TCTN2: variants seen among roughly 807,000 people sequenced by gnomAD.
TCTN2 encodes tectonic family member 2, also known as tectonic-2.
TCTN2 carries 66 observed loss-of-function variants against 83.4 expected under a neutral mutation model. The observed-to-expected ratio is 0.79, with a 90% CI of 0.65 to 0.97. The LOEUF is 0.97. Among genes scored for constraint, TCTN2 ranks in the 50% least tolerant of loss-of-function variants. The pLI is 0.00. For missense variants in TCTN2, 794 were observed against 858.1 expected, an observed-to-expected ratio of 0.93 and a Z score of 0.93; for synonymous variants, 301 against 326.7, an observed-to-expected ratio of 0.92 and a Z score of 0.85.
At chr12:123,686,748 C>A in intron 5 of TCTN2, 88 bp from the exon 6 acceptor site, 1 of 1,286,738 alleles carries the variant, frequency 7.8e-7, no homozygotes, top group Non-Finnish European at 1.1e-6. Flanking sequence ...TAGTGTCCTG[C>A]TGGCCTTAAA....
At chr12:123,675,736 G>A (rs1372589462) in intron 4 of TCTN2, among the ~76,000 whole-genome samples, 1 of 152,190 alleles carries the variant, frequency 6.6e-6, no homozygotes, top group East Asian at 1.9e-4. Flanking sequence ...AGCTAATAAT[G>A]TGCTACCAAG....
In TCTN2 at chr12:123,690,655, A is replaced by G. The variant is rs1956030516; in HGVS notation, c.1014A>G (p.Ile338Met). ...QERDGIINAK[I>M]KNVALGGIVT... ...GAGATGGTATTATCAATGCGAAGATAAAGAATGTTGCCTTAGGAGGTATGT... is the reference window on the plus strand; with the variant it reads ...GAGATGGTATTATCAATGCGAAGATGAAGAATGTTGCCTTAGGAGGTATGT... The change falls in exon 8 of 18, where the codon ATA (isoleucine) becomes ATG (methionine). Residue 338 changes from isoleucine to methionine, a missense_variant. Ile to Met is a conservative substitution (Grantham distance 10). Transcript: ENST00000303372. 6.2e-7 allele frequency: 1 copy of G among 1,614,232 alleles called. No individual in the cohort carries two copies. Among genetic ancestry groups the G allele is most frequent in the Non-Finnish European group, 8.5e-7 (1 of 1,180,050 alleles).
chr12:123,699,155 ATTT>A (rs11438271), intron 13 of TCTN2, among the ~76,000 whole-genome samples: 3 of 141,782 alleles, frequency 2.1e-5, no homozygotes, highest in Non-Finnish European at 4.6e-5. Context: ...AGTTACTAAC[ATTT>A]TTTTTTTTTT....
At chr12:123,672,405 C>T (rs1028004105) in intron 3 of TCTN2, among the ~76,000 whole-genome samples, 3 of 152,084 alleles carry the variant, frequency 2.0e-5, no homozygotes, top group Non-Finnish European at 4.4e-5. Flanking sequence ...GAGAGGGTCA[C>T]CAGTTTCCTT....
At chr12:123,685,781 A>G (rs1955958087) in intron 5 of TCTN2, among the ~76,000 whole-genome samples, 1 of 138,634 alleles carries the variant, frequency 7.2e-6, no homozygotes, top group Non-Finnish European at 1.5e-5. Context: ...GCTGGACTTC[A>G]GTGGCCCAAT....
intron 3 of TCTN2, among the ~76,000 whole-genome samples, chr12:123,672,805 C>T (rs1033719076): frequency 6.6e-6 from 1 of 152,080 alleles, no homozygotes; most frequent in Non-Finnish European, 1.5e-5. Context: ...AATCCTAGCA[C>T]TTTGGGAGGC....
chr12:123,692,757 A>G (rs1373969136), intron 9 of TCTN2, 34 bp downstream of exon 9: 1 of 1,497,946 alleles, frequency 6.7e-7, no homozygotes, highest in Non-Finnish European at 9.3e-7. Context: ...TCATTTCTTC[A>G]GAAACAGATA....
intron 12 of TCTN2, 189 bp downstream of exon 12, chr12:123,696,684 T>C: frequency 1.6e-6 from 1 of 640,536 alleles, no homozygotes; most frequent in South Asian, 1.7e-5. Flanking sequence ...AAAGGAATGC[T>C]AACATTGTTT....
At chr12:123,686,200 C>A (rs1335786485) in intron 5 of TCTN2, among the ~76,000 whole-genome samples, 4 of 152,026 alleles carry the variant, frequency 2.6e-5, no homozygotes, top group Admixed American at 6.6e-5. Flanking sequence ...GTGCCCACCA[C>A]CACACCCGGC....
At chr12:123,676,566 T>TTA (rs1214870273) in intron 4 of TCTN2, among the ~76,000 whole-genome samples, 2 of 60,698 alleles carry the variant, frequency 3.3e-5, no homozygotes, top group Non-Finnish European at 6.0e-5. Flanking sequence ...AGACTCCATC[T>TTA]AAAAAAAAAA....
chr12:123,686,344 G>T (rs1433044813), intron 5 of TCTN2, among the ~76,000 whole-genome samples: 1 of 152,138 alleles, frequency 6.6e-6, no homozygotes, highest in East Asian at 1.9e-4. Flanking sequence ...CCTGCACCCA[G>T]CCCCAAGCAA....
intron 13 of TCTN2, among the ~76,000 whole-genome samples, chr12:123,697,730 T>G (rs1257744614): frequency 1.3e-5 from 2 of 152,082 alleles, no homozygotes; most frequent in African/African-American, 4.8e-5. Context: ...TAACCTCAAG[T>G]GACCTTGCCC....
chr12:123,703,113 C>T (rs994464200), intron 14 of TCTN2, among the ~76,000 whole-genome samples: 4 of 152,108 alleles, frequency 2.6e-5, no homozygotes, highest in Non-Finnish European at 4.4e-5. Flanking sequence ...TAGGAAATTA[C>T]TTACCTATCT....
intron 4 of TCTN2, among the ~76,000 whole-genome samples, chr12:123,676,141 G>A (rs367784793): frequency 5.1e-4 from 77 of 152,246 alleles, no homozygotes; most frequent in Middle Eastern, 3.4e-3. Flanking sequence ...TTAGCTGTGC[G>A]TGGTAGTCGG....
At chr12:123,678,048 G>A (rs1955846286) in intron 4 of TCTN2, among the ~76,000 whole-genome samples, 1 of 152,136 alleles carries the variant, frequency 6.6e-6, no homozygotes, top group African/African-American at 2.4e-5. Flanking sequence ...ATCCATTTCA[G>A]TGTTTACCCT....
At chr12:123,683,068 C>A (rs1280735252) in intron 5 of TCTN2, among the ~76,000 whole-genome samples, 1 of 151,022 alleles carries the variant, frequency 6.6e-6, no homozygotes, top group African/African-American at 2.4e-5. Context: ...TACTAAAATA[C>A]AAAAATTAGC....
At position 123,671,528 on chromosome 12, in the gene TCTN2, G is replaced by T. The variant is rs1020961734; in HGVS notation, c.104G>T (p.Arg35Leu). 1.2e-6 allele frequency: 2 copies of T among 1,614,068 alleles called. No individual in the cohort carries two copies. Among genetic ancestry groups the T allele is most frequent in the Non-Finnish European group, 1.7e-6 (2 of 1,180,018 alleles). The change falls in exon 2 of 18, where the codon CGA becomes CTA. Residue 35 changes from arginine to leucine, a missense_variant. Transcript: ENST00000303372. ...GDLAFIPPFI[R>L]MSGPAVSASL... ...CTAGCTTTCATCCCTCCTTTTATCC[G>T]AATGTCCGGCCCTGCGGTCAGCGCG...
chr12:123,686,865 C>T lies in TCTN2; in HGVS notation c.594C>T (p.Phe198=), dbSNP rs759913219. Residue 198 remains phenylalanine, a synonymous_variant, in exon 6 of 18, where the codon TTC becomes TTT. Transcript: ENST00000303372. ...QECSSNLTTL[F]RRSCFTGVFG... ...GCTCATCAAATTTAACAACGCTGTT[C>T]AGACGGTCCTGCTTCACCGGCGTGT... 1.9e-6 allele frequency: 3 copies of T among 1,614,100 alleles called. No homozygotes were observed. In the African/African-American group the frequency reaches 4.0e-5, roughly 22 times the overall value.
At chr12:123,707,250 T>C in intron 17 of TCTN2, 177 bp downstream of exon 17, 1 of 658,664 alleles carries the variant, frequency 1.5e-6, no homozygotes, top group Non-Finnish European at 2.6e-6. Flanking sequence ...TATTTCTACC[T>C]ACACTGTTTT....
Sources: allele counts gnomAD v4.1 joint callset (sites outside exome capture counted in the v4.1 genomes callset), GRCh38; gene constraint gnomAD v4.1.1; transcripts MANE v1.5; gene names NCBI Gene and HGNC (gene_info 2026-07-23, HGNC 2026-07-21).